The following DNAH8 variants were observed in gnomAD, a reference collection of about 807,000 sequenced individuals.
The protein encoded by DNAH8 is dynein axonemal heavy chain 8, also known as axonemal beta dynein heavy chain 8.
A neutral mutation model predicts 562.1 loss-of-function variants in DNAH8; 382 were observed. That is an observed-to-expected ratio of 0.68 (90% CI 0.63 to 0.74). The LOEUF (loss-of-function observed/expected upper bound fraction) is 0.74. DNAH8 is among the 30% of genes least tolerant of loss of function. The probability of loss-of-function intolerance (pLI) is 0.00; values close to 1 mark genes in which losing one functional copy is unlikely to be tolerated. For synonymous variants in DNAH8, 1,881 were observed against 1,919.4 expected, an observed-to-expected ratio of 0.98 and a Z score of 0.52; for missense variants, 5,203 against 5,620.4, an observed-to-expected ratio of 0.93 and a Z score of 2.37.
At chr6:38,954,998 C>T (rs1202549034) in intron 82 of DNAH8, among the ~76,000 whole-genome samples, 3 of 152,140 alleles carry the variant, frequency 2.0e-5, no homozygotes, top group Non-Finnish European at 4.4e-5. Flanking sequence ...GACAGGCTCC[C>T]ACTCTGTCAC....
chr6:38,776,066 T>C, intron 13 of DNAH8, 115 bp downstream of exon 13: 1 of 718,314 alleles, frequency 1.4e-6, no homozygotes. Context: ...ATGATTTAAG[T>C]TCCTCTTTCA....
In DNAH8 at chr6:38,737,079, A is replaced by C. The variant is rs2127581124; in HGVS notation, c.775A>C (p.Thr259Pro). ...VKTIQEEALF[T>P]VLDASKGLLN... ...TCCACCCTTTCAGGAAGCGCTCTTT[A>C]CTGTTCTGGATGCGTCGAAAGGACT... The change falls in exon 6 of 93, where the codon ACT becomes CCT. Residue 259 changes from threonine to proline, a missense_variant. This residue lies in a region of DNAH8 where 556 missense variants were observed against 496.9 expected (regional missense o/e 1.12). Coordinates refer to ENST00000327475, the MANE Select transcript of DNAH8 (RefSeq NM_001206927.2). The C allele has an allele frequency of 6.5e-7, 1 of 1,531,872 alleles. No individual in the cohort carries two copies. The highest frequency in any genetic ancestry group is 8.7e-7 in the Non-Finnish European group (1 of 1,148,038). 94.9% of individuals were successfully genotyped at this position (1,531,872 alleles called of 1,614,324 possible).
intron 82 of DNAH8, among the ~76,000 whole-genome samples, chr6:38,970,209 G>A (rs1056064601): frequency 1.2e-4 from 18 of 152,238 alleles, no homozygotes; most frequent in South Asian, 2.1e-4. Context: ...TACTTTTTGA[G>A]CCTATCACTT....
At position 38,998,010 on chromosome 6, in the gene DNAH8, G is replaced by A. The variant is rs367560709; in HGVS notation, c.13214+7838G>A. On this transcript the variant is annotated intron_variant, in intron 88 of 92. Transcript: ENST00000327475. The stretch of plus-strand genomic sequence containing the variant: ...TGACCTCAAGTGATCCACCCACCTT[G>A]GCTTTCCAAAATGCTGGGATTATAG... 1.2e-3 allele frequency among the ~76,000 whole-genome samples: 185 copies of A among 152,296 alleles called. 2 individuals are homozygous for A. Among genetic ancestry groups the A allele is most frequent in the African/African-American group, 4.0e-3 (166 of 41,564 alleles).
At chr6:38,742,163 A>G (rs1016000993) in intron 8 of DNAH8, among the ~76,000 whole-genome samples, 1 of 152,238 alleles carries the variant, frequency 6.6e-6, no homozygotes, top group Non-Finnish European at 1.5e-5. Context: ...TTGTAAATCA[A>G]TGAAGAAATC....
At chr6:38,837,020 C>CACTCTTCATAGTGAAGAGTCCTATGG (rs894326032) in intron 32 of DNAH8, among the ~76,000 whole-genome samples, 1 of 152,076 alleles carries the variant, frequency 6.6e-6, no homozygotes, top group East Asian at 1.9e-4. Context: ...CACATAGTCC[C>CACTCTTCATAGTGAAGAGTCCTATGG]ACTCTTCATA....
At chr6:39,012,888 G>A (rs1291221531) in intron 91 of DNAH8, among the ~76,000 whole-genome samples, 1 of 148,480 alleles carries the variant, frequency 6.7e-6, no homozygotes, top group Non-Finnish European at 1.5e-5. Flanking sequence ...ACCAACTTCA[G>A]CAAACCATCA....
intron 9 of DNAH8, among the ~76,000 whole-genome samples, chr6:38,751,762 CTTTA>C (rs1280910616): frequency 2.0e-5 from 3 of 151,966 alleles, no homozygotes; most frequent in South Asian, 4.2e-4. Flanking sequence ...AATCTCTATC[CTTTA>C]TTTAATAGAA....
At chr6:38,856,567 G>A (rs1250084701) in intron 41 of DNAH8, among the ~76,000 whole-genome samples, 2 of 151,990 alleles carry the variant, frequency 1.3e-5, no homozygotes, top group African/African-American at 4.8e-5. Context: ...CTTGCTCTTG[G>A]GGGGCTTTCT....
chr6:38,796,541 C>T (rs989418074), intron 21 of DNAH8, among the ~76,000 whole-genome samples: 1 of 152,194 alleles, frequency 6.6e-6, no homozygotes, highest in African/African-American at 2.4e-5. Context: ...ACAGCATGCA[C>T]CACACCCTGG....
rs924945215 is a variant in DNAH8, at chr6:38,741,695, A to G, written c.1117-16A>G. On this transcript the variant is annotated splice_polypyrimidine_tract_variant and intron_variant, in intron 7 of 92. Transcript: ENST00000327475. ...AATGTAACATTTCTATATTTTATAA[A>G]TTTTTTTGACTGCAGGTACTTATTG... The G allele has an allele frequency of 1.3e-6, 2 of 1,566,868 alleles. No individual in the cohort carries two copies. Among genetic ancestry groups the G allele is most frequent in the African/African-American group, 2.8e-5 (2 of 72,174 alleles).
chr6:38,804,113 T>A (rs1304343119), intron 22 of DNAH8, among the ~76,000 whole-genome samples: 1 of 152,228 alleles, frequency 6.6e-6, no homozygotes, highest in African/African-American at 2.4e-5. Flanking sequence ...ATTTTTACCC[T>A]ATTGAATTTC....
chr6:38,987,860 G>A (rs1333156321), intron 87 of DNAH8, among the ~76,000 whole-genome samples: 1 of 152,200 alleles, frequency 6.6e-6, no homozygotes, highest in Non-Finnish European at 1.5e-5. Context: ...AGGTGAGTTT[G>A]GGTCTCTGGC....
At chr6:38,749,078 G>A (rs915109007) in intron 8 of DNAH8, among the ~76,000 whole-genome samples, 8 of 151,996 alleles carry the variant, frequency 5.3e-5, no homozygotes, top group Admixed American at 2.0e-4. Context: ...AAGTAGAAAG[G>A]CCAAGAGGTT....
intron 36 of DNAH8, among the ~76,000 whole-genome samples, chr6:38,846,851 C>G (rs1327684924): frequency 1.3e-5 from 2 of 152,174 alleles, no homozygotes; most frequent in Admixed American, 1.3e-4. Flanking sequence ...TGGACATAAC[C>G]TGATGAGTAA....
chr6:38,888,186 C>G lies in DNAH8; in HGVS notation c.8473+1182C>G, dbSNP rs544915580. On this transcript the variant is annotated intron_variant, in intron 57 of 92. Transcript: ENST00000327475. Reference sequence around the variant, plus strand: ...AGTAGTTCTGGGATACTTAGTAATTCTTATAGGAAAATAATTAAATTTGGA... The same window carrying G: ...AGTAGTTCTGGGATACTTAGTAATTGTTATAGGAAAATAATTAAATTTGGA... Among the ~76,000 whole-genome samples the G allele has an allele frequency of 3.7e-4, 56 of 152,172 alleles. No homozygotes were observed. In the South Asian group the frequency reaches 0.011, roughly 30 times the overall value.
rs528832411 is a variant in DNAH8, at chr6:38,945,092, G to A, written c.12008-375G>A. ...TAGTTTTTAATGGCAAGCTTCTGGA[G>A]GAGTAATGACTAAGAAGTGATATTT... On this transcript the variant is annotated intron_variant, in intron 79 of 92. Coordinates refer to ENST00000327475, the MANE Select transcript of DNAH8 (RefSeq NM_001206927.2). Among the ~76,000 whole-genome samples the A allele has an allele frequency of 5.9e-5, 9 of 152,046 alleles. No homozygotes were observed. The East Asian group carries it at 1.2e-3, about 20-fold the overall frequency.
chr6:38,762,982 T>C, intron 11 of DNAH8: 1 of 376,396 alleles, frequency 2.7e-6, no homozygotes, highest in South Asian at 2.3e-5. Context: ...AGGATCATTA[T>C]GCAGTTCTTG....
intron 14 of DNAH8, among the ~76,000 whole-genome samples, chr6:38,778,903 T>G (rs1303380768): frequency 6.6e-6 from 1 of 152,200 alleles, no homozygotes; most frequent in Non-Finnish European, 1.5e-5. Flanking sequence ...TGTGTATACT[T>G]AAGGTGTATA....
Sources: gnomAD v4.1 joint callset for allele counts (sites outside exome capture counted in the v4.1 genomes callset) on GRCh38, gnomAD v4.1.1 for gene constraint, gnomAD v4.1.1 regional missense constraint, MANE v1.5 for transcripts, NCBI Gene and HGNC (gene_info 2026-07-23, HGNC 2026-07-21) for gene names.